TAFA2: variants seen among roughly 807,000 people sequenced by gnomAD.
TAFA2 encodes chemokine-like protein TAFA-2.
In TAFA2, 7 loss-of-function variants were observed where a neutral mutation model predicts 18.8. The ratio of observed to expected loss-of-function variants is 0.37; its 90% CI spans 0.21 to 0.70. The LOEUF (loss-of-function observed/expected upper bound fraction) is 0.70, where lower values mean the gene tolerates loss of function less well. Ranked by LOEUF, TAFA2 falls within the 30% of genes least tolerant of loss-of-function variation. The probability of loss-of-function intolerance (pLI) is 0.53; values close to 1 mark genes in which losing one functional copy is unlikely to be tolerated. For missense variants in TAFA2, 122 were observed against 158.1 expected (o/e 0.77, Z 1.23); for synonymous variants, 60 against 54.2 (o/e 1.11, Z -0.47).
chr12:61,744,877 T>C (rs777268831), intron 4 of TAFA2, among the ~76,000 whole-genome samples: 4 of 152,102 alleles, frequency 2.6e-5, no homozygotes, highest in Non-Finnish European at 2.9e-5. Flanking sequence ...TGCTACTTCA[T>C]GGACACCTAG....
At chr12:62,223,877 T>C (rs559998154) in intron 1 of TAFA2, among the ~76,000 whole-genome samples, 1 of 152,264 alleles carries the variant, frequency 6.6e-6, no homozygotes, top group South Asian at 2.1e-4. Context: ...GTATACTGGG[T>C]ACTCAAAAAG....
chr12:61,973,100 G>A (rs1466334409), intron 1 of TAFA2, among the ~76,000 whole-genome samples: 2 of 151,588 alleles, frequency 1.3e-5, no homozygotes, highest in Admixed American at 6.6e-5. Flanking sequence ...TCCCATTAAA[G>A]TAAATGCATG....
At chr12:62,079,914 C>T (rs1868293833) in intron 1 of TAFA2, among the ~76,000 whole-genome samples, 1 of 152,154 alleles carries the variant, frequency 6.6e-6, no homozygotes, top group Non-Finnish European at 1.5e-5. Context: ...TAAAACAATA[C>T]CCACTTATTA....
chr12:61,806,620 G>GA (rs973888510), intron 2 of TAFA2, among the ~76,000 whole-genome samples: 2 of 152,174 alleles, frequency 1.3e-5, no homozygotes, highest in African/African-American at 4.8e-5. Context: ...GAAGAAGACA[G>GA]AAAAATGTGG....
intron 1 of TAFA2, among the ~76,000 whole-genome samples, chr12:61,978,711 C>T (rs917585495): frequency 2.6e-5 from 4 of 151,974 alleles, no homozygotes; most frequent in Non-Finnish European, 2.9e-5. Flanking sequence ...TGAATTAGAA[C>T]GCCTGGAGAA....
intron 2 of TAFA2, among the ~76,000 whole-genome samples, chr12:61,859,528 C>T (rs886338194): frequency 6.6e-6 from 1 of 152,220 alleles, no homozygotes; most frequent in African/African-American, 2.4e-5. Context: ...ACTGCAACCT[C>T]CGCCTACAGG....
intron 1 of TAFA2, among the ~76,000 whole-genome samples, chr12:61,978,954 C>T (rs1879532382): frequency 1.3e-5 from 2 of 152,052 alleles, no homozygotes; most frequent in Non-Finnish European, 2.9e-5. Flanking sequence ...CTGACCGTCT[C>T]CCAATCAGAA....
At chr12:62,254,770 A>G in intron 1 of TAFA2, among the ~76,000 whole-genome samples, 1 of 152,218 alleles carries the variant, frequency 6.6e-6, no homozygotes, top group East Asian at 1.9e-4. Flanking sequence ...AAGAATACCT[A>G]TTTAATGTTT....
At chr12:61,712,564 T>C (rs1869462805) in intron 4 of TAFA2, among the ~76,000 whole-genome samples, 1 of 152,110 alleles carries the variant, frequency 6.6e-6, no homozygotes, top group African/African-American at 2.4e-5. Context: ...TAAACATCCA[T>C]TTTCATGATG....
In TAFA2 at chr12:61,867,432, A is replaced by T; in HGVS notation, c.-1-6T>A. 1 of 1,464,140 alleles carries T rather than the reference A, an allele frequency of 6.8e-7. No individual in the cohort carries two copies. Among genetic ancestry groups the T allele is most frequent in the Non-Finnish European group, 9.5e-7 (1 of 1,052,928 alleles). 90.7% of individuals were successfully genotyped at this position (1,464,140 alleles called of 1,614,324 possible). On this transcript the variant is annotated splice_polypyrimidine_tract_variant and splice_region_variant and intron_variant, in intron 1 of 4. Transcript: ENST00000416284. The stretch of plus-strand genomic sequence containing the variant: ...GTAAGTATCTCTTACTCATCCTGCA[A>T]ATAAAAAAATAATAAAAATCATAAG...
intron 2 of TAFA2, among the ~76,000 whole-genome samples, chr12:61,826,479 A>T (rs897211426): frequency 6.6e-6 from 1 of 152,050 alleles, no homozygotes; most frequent in African/African-American, 2.4e-5. Flanking sequence ...AATGACAAAA[A>T]CTGTTGAAAT....
intron 1 of TAFA2, among the ~76,000 whole-genome samples, chr12:61,993,681 T>C (rs1880085975): frequency 6.6e-6 from 1 of 152,188 alleles, no homozygotes; most frequent in Non-Finnish European, 1.5e-5. Context: ...TTCCTTTCTG[T>C]CCATGCTAAT....
intron 1 of TAFA2, among the ~76,000 whole-genome samples, chr12:61,876,558 C>T (rs1874854999): frequency 6.6e-6 from 1 of 152,112 alleles, no homozygotes; most frequent in Non-Finnish European, 1.5e-5. Context: ...GAACCTCCTC[C>T]TCAACACAGA....
At chr12:61,780,923 G>A (rs1426385901) in intron 2 of TAFA2, among the ~76,000 whole-genome samples, 1 of 151,628 alleles carries the variant, frequency 6.6e-6, no homozygotes, top group Non-Finnish European at 1.5e-5. Flanking sequence ...TCAACTGCTT[G>A]GACAGCTCAA....
At chr12:61,755,598 C>T (rs1449243671) in intron 2 of TAFA2, among the ~76,000 whole-genome samples, 1 of 152,082 alleles carries the variant, frequency 6.6e-6, no homozygotes, top group African/African-American at 2.4e-5. Flanking sequence ...GAAGATCCAA[C>T]CAGTCCCAGA....
At chr12:61,830,466 G>C (rs548093496) in intron 2 of TAFA2, among the ~76,000 whole-genome samples, 9 of 151,552 alleles carry the variant, frequency 5.9e-5, no homozygotes, top group African/African-American at 1.9e-4. Flanking sequence ...TATAACTGGA[G>C]GCCATTATCT....
Position 61,975,097 on chromosome 12 carries a change from T to C in TAFA2, c.-1-107671A>G, listed in dbSNP as rs1041410916. ...ATACACATATGCATAGTGAAATGAT[T>C]GCTACAGTCCAGCTAATTAATATAT... is the stretch of plus-strand genomic sequence containing the variant. On this transcript the variant is annotated intron_variant, in intron 1 of 4. Transcript: ENST00000416284. Among the ~76,000 whole-genome samples, 23 of 151,914 alleles carry C rather than the reference T, an allele frequency of 1.5e-4. No homozygotes were observed. The South Asian group carries it at 4.8e-3, about 32-fold the overall frequency.
chr12:61,821,166 AT>A (rs1555168031), intron 2 of TAFA2, among the ~76,000 whole-genome samples: 2 of 120,570 alleles, frequency 1.7e-5, no homozygotes, highest in Non-Finnish European at 3.7e-5. Flanking sequence ...CACACACACA[AT>A]TATTTGGAGG....
At chr12:62,025,921 AAAG>A (rs1264052473) in intron 1 of TAFA2, among the ~76,000 whole-genome samples, 2 of 152,120 alleles carry the variant, frequency 1.3e-5, no homozygotes, top group African/African-American at 4.8e-5. Flanking sequence ...AACCCAAAAT[AAAG>A]AAGTAGTCAA....
Sources: allele counts gnomAD v4.1 joint callset (sites outside exome capture counted in the v4.1 genomes callset), GRCh38; gene constraint gnomAD v4.1.1; transcripts MANE v1.5; gene names NCBI Gene and HGNC (gene_info 2026-07-23, HGNC 2026-07-21).